RNF13: variants seen among roughly 807,000 people sequenced by gnomAD.
RNF13 encodes the protein ring finger protein 13.
RNF13 carries 19 observed loss-of-function variants against 37.7 expected under a neutral mutation model. The observed-to-expected ratio is 0.50, with a 90% CI of 0.35 to 0.74. The LOEUF (loss-of-function observed/expected upper bound fraction) is 0.74. RNF13 is among the 30% of genes least tolerant of loss of function. The pLI is 0.01. For missense variants in RNF13, 375 were observed against 453.0 expected, an observed-to-expected ratio of 0.83 and a Z score of 1.56; for synonymous variants, 144 against 157.8, an observed-to-expected ratio of 0.91 and a Z score of 0.65.
intron 1 of RNF13, among the ~76,000 whole-genome samples, chr3:149,844,937 CCCA>C (rs1355361105): frequency 6.6e-6 from 1 of 152,140 alleles, no homozygotes; most frequent in African/African-American, 2.4e-5. Flanking sequence ...ATTTCTCATT[CCCA>C]CCTTTCCCCT....
intron 1 of RNF13, among the ~76,000 whole-genome samples, chr3:149,827,937 C>T (rs952351918): frequency 6.6e-6 from 1 of 151,562 alleles, no homozygotes; most frequent in African/African-American, 2.4e-5. Flanking sequence ...AGGCAAGACC[C>T]TATCTCTCTA....
intron 8 of RNF13, among the ~76,000 whole-genome samples, chr3:149,933,187 C>T (rs1305058527): frequency 6.6e-6 from 1 of 152,076 alleles, no homozygotes; most frequent in Non-Finnish European, 1.5e-5. Flanking sequence ...GGCAGAGGCT[C>T]CGCAGGCCTG....
intron 3 of RNF13, among the ~76,000 whole-genome samples, chr3:149,863,347 G>A (rs1330486884): frequency 6.6e-6 from 1 of 152,106 alleles, no homozygotes. Flanking sequence ...TATGTTTTAT[G>A]TTTCATTACC....
chr3:149,956,955 A>G (rs1721930157), intron 8 of RNF13, among the ~76,000 whole-genome samples: 1 of 152,160 alleles, frequency 6.6e-6, no homozygotes, highest in Non-Finnish European at 1.5e-5. Context: ...CTGTTTCCAG[A>G]TATCACCAAA....
chr3:149,906,931 G>A (rs1212815423), intron 6 of RNF13, among the ~76,000 whole-genome samples: 1 of 152,150 alleles, frequency 6.6e-6, no homozygotes, highest in East Asian at 1.9e-4. Context: ...GGGATTACAG[G>A]TGTGAGTGAG....
chr3:149,876,598 C>T (rs75987317), intron 4 of RNF13, among the ~76,000 whole-genome samples: 4 of 152,124 alleles, frequency 2.6e-5, no homozygotes, highest in Non-Finnish European at 4.4e-5. Context: ...TACAAGTCCC[C>T]ATATGTGCTG....
At chr3:149,908,825 G>T (rs1716689600) in intron 6 of RNF13, among the ~76,000 whole-genome samples, 1 of 152,156 alleles carries the variant, frequency 6.6e-6, no homozygotes, top group Non-Finnish European at 1.5e-5. Flanking sequence ...GAAGGATGGG[G>T]AAATTAGACA....
chr3:149,858,956 A>C (rs190836601), intron 3 of RNF13, among the ~76,000 whole-genome samples: 136 of 152,322 alleles, frequency 8.9e-4, no homozygotes, highest in African/African-American at 3.1e-3. Flanking sequence ...TGGTGAAGGA[A>C]AATGCAAACA....
At chr3:149,900,461 C>T (rs1715705751) in intron 5 of RNF13, among the ~76,000 whole-genome samples, 1 of 151,988 alleles carries the variant, frequency 6.6e-6, no homozygotes, top group Non-Finnish European at 1.5e-5. Flanking sequence ...GTAGCCCCAG[C>T]TACTTGGGAG....
chr3:149,886,179 G>A (rs1427156608), intron 4 of RNF13, among the ~76,000 whole-genome samples: 1 of 152,102 alleles, frequency 6.6e-6, no homozygotes, highest in African/African-American at 2.4e-5. Context: ...CTTCAGTTTT[G>A]TTCTTTTTGC....
chr3:149,942,421 C>T (rs1720368212), intron 8 of RNF13, among the ~76,000 whole-genome samples: 1 of 152,114 alleles, frequency 6.6e-6, no homozygotes. Flanking sequence ...TAAGCTCAAG[C>T]TTATTCCAAA....
At chr3:149,874,981 G>C (rs568334163) in intron 4 of RNF13, among the ~76,000 whole-genome samples, 4 of 152,058 alleles carry the variant, frequency 2.6e-5, no homozygotes, top group Non-Finnish European at 5.9e-5. Flanking sequence ...GTGTGTTGTG[G>C]AATTCAGTCA....
At chr3:149,824,720 A>G (rs780363596) in intron 1 of RNF13, among the ~76,000 whole-genome samples, 3 of 151,862 alleles carry the variant, frequency 2.0e-5, no homozygotes, top group Non-Finnish European at 4.4e-5. Flanking sequence ...TGATAAACAC[A>G]TACAGGATTA....
intron 1 of RNF13, among the ~76,000 whole-genome samples, chr3:149,841,065 T>C (rs1317994702): frequency 6.6e-6 from 1 of 152,230 alleles, no homozygotes; most frequent in East Asian, 1.9e-4. Flanking sequence ...AGACTTTTTT[T>C]GTTTATGTTT....
rs189900285 is a variant in RNF13, at chr3:149,825,268, C to T, written c.-17+11915C>T. On this transcript the variant is annotated intron_variant, in intron 1 of 9. Coordinates refer to ENST00000392894, the MANE Select transcript of RNF13 (RefSeq NM_183381.3). ...CTCTGCTCACTGTAACCTCTGCCTCCTGGGCTCAAGTGATTCAGCCTCCTA... is the reference window on the plus strand; with the variant it reads ...CTCTGCTCACTGTAACCTCTGCCTCTTGGGCTCAAGTGATTCAGCCTCCTA... Among the ~76,000 whole-genome samples, 3 of 152,026 alleles carry T rather than the reference C, an allele frequency of 2.0e-5. No homozygotes were observed. In the East Asian group the frequency reaches 5.8e-4, roughly 29 times the overall value.
intron 3 of RNF13, among the ~76,000 whole-genome samples, chr3:149,854,708 C>T (rs1723477307): frequency 6.6e-6 from 1 of 152,152 alleles, no homozygotes; most frequent in African/African-American, 2.4e-5. Context: ...CATCAGGAAG[C>T]CTTTGTGGTT....
intron 6 of RNF13, among the ~76,000 whole-genome samples, chr3:149,907,047 T>G (rs1238400687): frequency 6.6e-6 from 1 of 152,198 alleles, no homozygotes; most frequent in African/African-American, 2.4e-5. Flanking sequence ...ATTTTATTGT[T>G]TGCTATCATA....
At chr3:149,907,171 T>C (rs1716503548) in intron 6 of RNF13, among the ~76,000 whole-genome samples, 1 of 152,206 alleles carries the variant, frequency 6.6e-6, no homozygotes, top group South Asian at 2.1e-4. Flanking sequence ...CTCTTACTGT[T>C]GATGGCAGTT....
intron 4 of RNF13, among the ~76,000 whole-genome samples, chr3:149,874,123 AG>A (rs1244239789): frequency 6.6e-6 from 1 of 152,212 alleles, no homozygotes; most frequent in African/African-American, 2.4e-5. Flanking sequence ...TTTATGAATA[AG>A]GGTCTAGTCT....
Sources: allele counts gnomAD v4.1 joint callset (sites outside exome capture counted in the v4.1 genomes callset), GRCh38; gene constraint gnomAD v4.1.1; transcripts MANE v1.5; gene names NCBI Gene and HGNC (gene_info 2026-07-23, HGNC 2026-07-21).